Variants in EYS observed in about 807,000 individuals in gnomAD.
EYS encodes protein eyes shut homolog.
Under a neutral mutation model 282.1 loss-of-function variants are expected in EYS, and 250 were observed. The observed-to-expected ratio is 0.89, with a 90% CI of 0.80 to 0.98. The LOEUF is 0.98. Among genes scored for constraint, EYS ranks in the 50% least tolerant of loss-of-function variants. EYS has a pLI of 0.00. For synonymous variants in EYS, 1,355 were observed against 1,282.9 expected, an observed-to-expected ratio of 1.06 and a Z score of -1.20; for missense variants, 4,016 against 3,709.0, an observed-to-expected ratio of 1.08 and a Z score of -2.15.
At chr6:65,241,580 C>T (rs920940233) in intron 12 of EYS, among the ~76,000 whole-genome samples, 2 of 151,944 alleles carry the variant, frequency 1.3e-5, no homozygotes, top group Admixed American at 1.3e-4. Flanking sequence ...TAATTTATAT[C>T]TGCAATTTCT....
At chr6:65,317,873 T>TCTTTC (rs1769352566) in intron 11 of EYS, among the ~76,000 whole-genome samples, 2 of 58,618 alleles carry the variant, frequency 3.4e-5, no homozygotes, top group Non-Finnish European at 6.8e-5. Flanking sequence ...TTTCTTTCTT[T>TCTTTC]CTTTCTTTCT....
intron 14 of EYS, among the ~76,000 whole-genome samples, chr6:64,993,728 A>T (rs926553844): frequency 4.6e-5 from 7 of 150,734 alleles, no homozygotes; most frequent in Admixed American, 1.3e-4. Context: ...AAGTATAATT[A>T]AAAAAAAACC....
At chr6:65,700,185 C>G (rs1769623016) in intron 1 of EYS, among the ~76,000 whole-genome samples, 1 of 143,444 alleles carries the variant, frequency 7.0e-6, no homozygotes, top group Non-Finnish European at 1.5e-5. Context: ...GTTAAATAAT[C>G]ACATTTTGAC....
At chr6:64,405,191 T>C (rs1337890628) in intron 28 of EYS, among the ~76,000 whole-genome samples, 1 of 152,132 alleles carries the variant, frequency 6.6e-6, no homozygotes, top group South Asian at 2.1e-4. Flanking sequence ...ATCCATGAAG[T>C]GACATGTCTA....
chr6:65,242,395 C>T (rs758270787), intron 12 of EYS, among the ~76,000 whole-genome samples: 2 of 151,970 alleles, frequency 1.3e-5, no homozygotes, highest in Non-Finnish European at 2.9e-5. Context: ...GTCTTTGTGA[C>T]TGTCTTGTTT....
At chr6:65,681,053 A>T (rs558651269) in intron 1 of EYS, among the ~76,000 whole-genome samples, 6 of 151,094 alleles carry the variant, frequency 4.0e-5, no homozygotes, top group African/African-American at 1.5e-4. Flanking sequence ...GGGGGCCAAC[A>T]GCTGTCAGCC....
At chr6:64,805,428 A>G (rs1052661733) in intron 22 of EYS, among the ~76,000 whole-genome samples, 5 of 152,156 alleles carry the variant, frequency 3.3e-5, no homozygotes, top group South Asian at 4.1e-4. Context: ...AGTATAGCTG[A>G]CATTGATTTT....
chr6:63,802,774 A>G (rs1001535556), intron 37 of EYS, among the ~76,000 whole-genome samples: 1 of 151,752 alleles, frequency 6.6e-6, no homozygotes. Flanking sequence ...TATGATTTGT[A>G]TTTTTCAGCT....
chr6:64,719,740 A>G (rs1421675683), intron 22 of EYS, among the ~76,000 whole-genome samples: 1 of 152,166 alleles, frequency 6.6e-6, no homozygotes, highest in East Asian at 1.9e-4. Context: ...CCCCGTCTCT[A>G]CTAAAAATAC....
intron 15 of EYS, among the ~76,000 whole-genome samples, chr6:64,935,846 G>A (rs558519117): frequency 6.6e-6 from 1 of 151,746 alleles, no homozygotes; most frequent in African/African-American, 2.4e-5. Flanking sequence ...TGAGTAGATT[G>A]CTTTACCAGT....
intron 29 of EYS, among the ~76,000 whole-genome samples, chr6:64,374,067 C>A (rs2150415636): frequency 6.6e-6 from 1 of 152,086 alleles, no homozygotes; most frequent in East Asian, 1.9e-4. Flanking sequence ...CTCTAGCAAG[C>A]ATTGCCTACG....
intron 2 of EYS, among the ~76,000 whole-genome samples, chr6:65,585,695 G>A (rs984305381): frequency 6.6e-6 from 1 of 151,890 alleles, no homozygotes; most frequent in Non-Finnish European, 1.5e-5. Context: ...TCTGGCATAT[G>A]AGACTACATT....
At chr6:65,109,425 G>A (rs1411994737) in intron 12 of EYS, among the ~76,000 whole-genome samples, 1 of 151,836 alleles carries the variant, frequency 6.6e-6, no homozygotes. Context: ...GTTTTGGTAG[G>A]ATTGAACTGC....
At position 65,042,694 on chromosome 6, in the gene EYS, C is replaced by T. The variant is rs1772975379; in HGVS notation, c.2137+14920G>A. Among the ~76,000 whole-genome samples the T allele has an allele frequency of 1.3e-5, 2 of 151,244 alleles. 1 individual carries two copies. Among genetic ancestry groups the T allele is most frequent in the South Asian group, 4.1e-4 (2 of 4,828 alleles). ...TTATAACATTTGTCTTAAACAGTTG[C>T]ATGTGTTTTAAAAAATAAAAATTTT... On this transcript the variant is annotated intron_variant, in intron 13 of 42. Coordinates refer to ENST00000503581, the MANE Select transcript of EYS (RefSeq NM_001142800.2).
intron 12 of EYS, among the ~76,000 whole-genome samples, chr6:65,290,931 A>T (rs572743308): frequency 1.1e-4 from 17 of 151,508 alleles, no homozygotes; most frequent in African/African-American, 4.1e-4. Flanking sequence ...TTTGAAATTC[A>T]GGAAGAAAAA....
At chr6:65,268,742 A>C (rs181073333) in intron 12 of EYS, among the ~76,000 whole-genome samples, 98 of 152,166 alleles carry the variant, frequency 6.4e-4, no homozygotes, top group Non-Finnish European at 2.6e-4. Context: ...TGGAAAGAAA[A>C]ACTGCTAGAA....
chr6:63,976,752 A>G (rs1296502297), intron 35 of EYS, among the ~76,000 whole-genome samples: 1 of 151,992 alleles, frequency 6.6e-6, no homozygotes, highest in Non-Finnish European at 1.5e-5. Context: ...TGAAAATTAA[A>G]CTTTGACACT....
At position 64,815,901 on chromosome 6, in the gene EYS, G is replaced by A. The variant is rs192123366; in HGVS notation, c.3244-2324C>T. On this transcript the variant is annotated intron_variant, in intron 21 of 42. Transcript: ENST00000503581. The stretch of plus-strand genomic sequence containing the variant: ...TTGTGAAATTCTTAGACAGGGCAAA[G>A]TACATACTGGGCTAGTAAATGTGAC... 3.3e-5 allele frequency among the ~76,000 whole-genome samples: 5 copies of A among 152,170 alleles called. No individual in the cohort carries two copies. The East Asian group carries it at 9.7e-4, about 29-fold the overall frequency.
At chr6:65,285,290 C>A (rs1478904618) in intron 12 of EYS, among the ~76,000 whole-genome samples, 2 of 151,760 alleles carry the variant, frequency 1.3e-5, no homozygotes, top group Non-Finnish European at 1.5e-5. Context: ...GCATTTTTTT[C>A]TATTTTCCAT....
Sources: gnomAD v4.1 joint callset for allele counts (sites outside exome capture counted in the v4.1 genomes callset) on GRCh38, gnomAD v4.1.1 for gene constraint, MANE v1.5 for transcripts, NCBI Gene and HGNC (gene_info 2026-07-23, HGNC 2026-07-21) for gene names.